The following CTNND2 variants were observed in gnomAD, a reference collection of about 807,000 sequenced individuals.
The protein encoded by CTNND2 is catenin delta-2.
CTNND2 carries 22 observed loss-of-function variants against 144.4 expected under a neutral mutation model. The ratio of observed to expected loss-of-function variants is 0.15; its 90% CI spans 0.11 to 0.22. CTNND2 has a LOEUF of 0.22. Among genes scored for constraint, CTNND2 ranks in the 10% least tolerant of loss-of-function variants. The pLI, the probability that CTNND2 is intolerant of heterozygous loss-of-function variation, is 1.00. For synonymous variants in CTNND2, 751 were observed against 695.6 expected, an observed-to-expected ratio of 1.08 and a Z score of -1.25; for missense variants, 1,353 against 1,618.8, an observed-to-expected ratio of 0.84 and a Z score of 2.82.
intron 10 of CTNND2, among the ~76,000 whole-genome samples, chr5:11,215,322 C>A (rs1739063284): frequency 6.6e-6 from 1 of 152,214 alleles, no homozygotes. Context: ...GTTTTTCTTA[C>A]AGCTTTATCT....
intron 10 of CTNND2, among the ~76,000 whole-genome samples, chr5:11,216,658 G>A (rs1457864670): frequency 6.6e-6 from 1 of 152,230 alleles, no homozygotes; most frequent in Non-Finnish European, 1.5e-5. Flanking sequence ...GATAGTAAGT[G>A]TATGTCGTAT....
rs1045131681 is a variant in CTNND2 at position 11,433,253 on chromosome 5, C to CA, written c.288-21185dup. 7.9e-5 allele frequency among the ~76,000 whole-genome samples: 12 copies of CA among 151,034 alleles called. No homozygotes were observed. In the East Asian group the frequency reaches 1.2e-3, roughly 15 times the overall value. ...AGAGCAAGACTCTGTCTCACACACA[C>CA]AAAAAAAAATTATTTACTTATTTAC... is the stretch of plus-strand genomic sequence containing the variant. On this transcript the variant is annotated intron_variant, in intron 3 of 21. Transcript: ENST00000304623.
At chr5:11,066,152 G>A (rs1420103761) in intron 16 of CTNND2, among the ~76,000 whole-genome samples, 1 of 151,496 alleles carries the variant, frequency 6.6e-6, no homozygotes, top group East Asian at 1.9e-4. Flanking sequence ...AGATTCTCCT[G>A]CCTCAGCCTC....
intron 3 of CTNND2, among the ~76,000 whole-genome samples, chr5:11,481,691 G>C (rs971388475): frequency 6.6e-6 from 1 of 151,960 alleles, no homozygotes; most frequent in African/African-American, 2.4e-5. Flanking sequence ...GAGAGAGAGA[G>C]AGAACCTAAA....
chr5:11,870,949 G>T (rs1735055771), intron 1 of CTNND2, among the ~76,000 whole-genome samples: 1 of 152,204 alleles, frequency 6.6e-6, no homozygotes, highest in Admixed American at 6.5e-5. Context: ...AAATTCAAAT[G>T]TTGAAATCCT....
intron 16 of CTNND2, among the ~76,000 whole-genome samples, chr5:11,082,064 T>C (rs1057317624): frequency 2.6e-5 from 4 of 152,218 alleles, no homozygotes; most frequent in Non-Finnish European, 5.9e-5. Context: ...ATTTGTTTAG[T>C]TTGCTTCTTG....
At chr5:11,771,211 G>T (rs13177209) in intron 1 of CTNND2, among the ~76,000 whole-genome samples, 17 of 125,300 alleles carry the variant, frequency 1.4e-4, no homozygotes, top group East Asian at 9.8e-4. Flanking sequence ...TTTTTTTTTG[G>T]GATGGAGTCT....
At chr5:11,079,278 C>T (rs144807302) in intron 16 of CTNND2, among the ~76,000 whole-genome samples, 99 of 121,950 alleles carry the variant, frequency 8.1e-4, no homozygotes, top group Non-Finnish European at 1.2e-3. Flanking sequence ...ACCCTTGCCA[C>T]GGGGGTTGGT....
chr5:11,115,288 C>T (rs1333170470), intron 13 of CTNND2, among the ~76,000 whole-genome samples: 1 of 152,208 alleles, frequency 6.6e-6, no homozygotes, highest in East Asian at 1.9e-4. Context: ...ACCATGGCTC[C>T]TGAAAGATGC....
chr5:11,859,328 C>T (rs1795395959), intron 1 of CTNND2, among the ~76,000 whole-genome samples: 2 of 152,238 alleles, frequency 1.3e-5, no homozygotes, highest in Admixed American at 1.3e-4. Context: ...TTAAATTCCA[C>T]ATGCAGACTT....
intron 5 of CTNND2, among the ~76,000 whole-genome samples, chr5:11,402,610 CT>C (rs1760731898): frequency 6.6e-6 from 1 of 152,036 alleles, no homozygotes; most frequent in Non-Finnish European, 1.5e-5. Context: ...TTCTCCTGAT[CT>C]TCGTTAGTAA....
At chr5:10,997,590 TAAA>T (rs59086011) in intron 18 of CTNND2, among the ~76,000 whole-genome samples, 6 of 137,398 alleles carry the variant, frequency 4.4e-5, no homozygotes, top group Non-Finnish European at 7.9e-5. Context: ...GACTCCATCT[TAAA>T]AAAAAAAAAA....
chr5:11,044,367 C>T (rs1465972345), intron 16 of CTNND2, among the ~76,000 whole-genome samples: 2 of 152,148 alleles, frequency 1.3e-5, no homozygotes, highest in Non-Finnish European at 1.5e-5. Context: ...TGACTATGGT[C>T]AGCCTCATCA....
chr5:11,852,734 A>G (rs578077431), intron 1 of CTNND2, among the ~76,000 whole-genome samples: 3 of 152,366 alleles, frequency 2.0e-5, no homozygotes, highest in Non-Finnish European at 4.4e-5. Context: ...AAGTAAGCAG[A>G]GAAGAAATGT....
At chr5:11,398,834 G>A (rs752947928) in intron 5 of CTNND2, among the ~76,000 whole-genome samples, 8 of 150,738 alleles carry the variant, frequency 5.3e-5, no homozygotes, top group Non-Finnish European at 1.0e-4. Flanking sequence ...GATGCATTTA[G>A]AATTTGATTC....
chr5:11,128,814 AT>A (rs67775011), intron 12 of CTNND2, among the ~76,000 whole-genome samples: 27,348 of 54,208 alleles, frequency 0.5, 7,185 homozygotes, highest in Non-Finnish European at 0.56. Flanking sequence ...TACAATATAT[AT>A]AATATATATT....
intron 10 of CTNND2, among the ~76,000 whole-genome samples, chr5:11,219,442 G>T (rs1458999265): frequency 6.6e-6 from 1 of 152,162 alleles, no homozygotes; most frequent in African/African-American, 2.4e-5. Context: ...AAGGTATTTA[G>T]GTTTTACTTA....
intron 3 of CTNND2, among the ~76,000 whole-genome samples, chr5:11,535,323 C>T (rs1278324161): frequency 1.3e-5 from 2 of 152,006 alleles, no homozygotes; most frequent in African/African-American, 4.8e-5. Flanking sequence ...GTCAAAGAAA[C>T]AGCCTGCAAT....
intron 9 of CTNND2, among the ~76,000 whole-genome samples, chr5:11,293,787 A>T (rs1185602714): frequency 6.9e-6 from 1 of 144,216 alleles, no homozygotes; most frequent in Non-Finnish European, 1.5e-5. Flanking sequence ...GACTCCAAGA[A>T]ATGTGCCCAC....
Sources: allele counts gnomAD v4.1 joint callset (sites outside exome capture counted in the v4.1 genomes callset), GRCh38; gene constraint gnomAD v4.1.1; transcripts MANE v1.5; gene names NCBI Gene and HGNC (gene_info 2026-07-23, HGNC 2026-07-21).